CDYL2: variants seen among roughly 807,000 people sequenced by gnomAD.
CDYL2 encodes the protein chromodomain Y-like protein 2.
CDYL2 carries 23 observed loss-of-function variants against 49.4 expected under a neutral mutation model. The observed-to-expected ratio is 0.47, with a 90% CI of 0.34 to 0.66. The LOEUF is 0.66. Ranked by LOEUF, CDYL2 falls within the 30% of genes least tolerant of loss-of-function variation. CDYL2 has a pLI of 0.01. For missense variants in CDYL2, 678 were observed against 656.4 expected (o/e 1.03, Z -0.36); for synonymous variants, 360 against 268.8 (o/e 1.34, Z -3.32).
chr16:80,685,186 T>C, intron 1 of CDYL2, 57 bp from the exon 2 acceptor site: 6 of 1,411,454 alleles, frequency 4.3e-6, no homozygotes, highest in South Asian at 1.3e-5. Flanking sequence ...AAAAACTCAG[T>C]TCGAGGCAAC....
At chr16:80,720,598 C>T (rs1904965126) in intron 1 of CDYL2, among the ~76,000 whole-genome samples, 1 of 152,204 alleles carries the variant, frequency 6.6e-6, no homozygotes, top group Non-Finnish European at 1.5e-5. Flanking sequence ...CCCCATTAAT[C>T]CCTTCAACGT....
intron 1 of CDYL2, 106 bp downstream of exon 1, chr16:80,804,044 T>C (rs1392317879): frequency 1.1e-5 from 9 of 824,844 alleles, no homozygotes; most frequent in Non-Finnish European, 1.3e-5. Context: ...GCTCGGCAAC[T>C]CCGGATTGCG....
chr16:80,727,449 G>A (rs937932531), intron 1 of CDYL2, among the ~76,000 whole-genome samples: 8 of 152,220 alleles, frequency 5.3e-5, no homozygotes, highest in Non-Finnish European at 8.8e-5. Context: ...AAGGTCCTAC[G>A]CCCACGGAGT....
chr16:80,700,252 T>C (rs1904293876), intron 1 of CDYL2, among the ~76,000 whole-genome samples: 1 of 152,140 alleles, frequency 6.6e-6, no homozygotes, highest in African/African-American at 2.4e-5. Context: ...TCTAAGAACA[T>C]ATCAAACACA....
intron 2 of CDYL2, among the ~76,000 whole-genome samples, chr16:80,643,985 G>C (rs1439656333): frequency 1.3e-5 from 2 of 152,138 alleles, no homozygotes; most frequent in Admixed American, 1.3e-4. Context: ...AAAAAAATGG[G>C]TTTTCTTGTC....
chr16:80,763,330 G>T (rs745547103), intron 1 of CDYL2, among the ~76,000 whole-genome samples: 105 of 152,248 alleles, frequency 6.9e-4, no homozygotes, highest in Non-Finnish European at 1.3e-3. Flanking sequence ...TTTCACCAGG[G>T]CTGGGTGAGG....
chr16:80,694,070 G>A (rs1329038241), intron 1 of CDYL2, among the ~76,000 whole-genome samples: 1 of 152,228 alleles, frequency 6.6e-6, no homozygotes, highest in Non-Finnish European at 1.5e-5. Flanking sequence ...CCAGTCTCAT[G>A]GAAGACAATT....
At chr16:80,630,926 C>T (rs1907533498) in intron 3 of CDYL2, among the ~76,000 whole-genome samples, 1 of 136,684 alleles carries the variant, frequency 7.3e-6, no homozygotes, top group Non-Finnish European at 1.5e-5. Context: ...TCTATTATCC[C>T]GATGTGAGTG....
At chr16:80,616,221 T>C (rs879898915) in intron 4 of CDYL2, among the ~76,000 whole-genome samples, 4 of 152,178 alleles carry the variant, frequency 2.6e-5, no homozygotes, top group Non-Finnish European at 5.9e-5. Flanking sequence ...GGAGCCTCAC[T>C]TTCTCCCTCT....
At chr16:80,607,760 G>A (rs6420417) in intron 6 of CDYL2, among the ~76,000 whole-genome samples, 2 of 151,722 alleles carry the variant, frequency 1.3e-5, no homozygotes, top group Non-Finnish European at 2.9e-5. Flanking sequence ...CTTATTGGCC[G>A]CTGCTTCTCG....
intron 2 of CDYL2, among the ~76,000 whole-genome samples, chr16:80,680,462 C>A (rs1248275799): frequency 6.6e-6 from 1 of 152,144 alleles, no homozygotes; most frequent in East Asian, 1.9e-4. Flanking sequence ...AGGGACGTTT[C>A]ACAGAGTAAA....
At position 80,704,688 on chromosome 16, in the gene CDYL2, T is replaced by C. The variant is rs146972382; in HGVS notation, c.25-19559A>G. Among the ~76,000 whole-genome samples, 1,076 of 152,168 alleles carry C rather than the reference T, an allele frequency of 7.1e-3. 12 individuals carry two copies. Among genetic ancestry groups the C allele is most frequent in the Middle Eastern group, 0.014 (4 of 294 alleles). On this transcript the variant is annotated intron_variant, in intron 1 of 6. Transcript: ENST00000570137. ...TTGGAACAGGGCATGCGGGAGGAGC[T>C]CAGGGAGAAGGCAGTTCCAGTTAGA...
chr16:80,658,968 A>G (rs1452606457), intron 2 of CDYL2, among the ~76,000 whole-genome samples: 1 of 152,236 alleles, frequency 6.6e-6, no homozygotes, highest in African/African-American at 2.4e-5. Context: ...GGATGTTTTC[A>G]ATAGTAAAAT....
intron 1 of CDYL2, among the ~76,000 whole-genome samples, chr16:80,727,830 C>G (rs1905213520): frequency 1.3e-5 from 2 of 152,198 alleles, no homozygotes; most frequent in African/African-American, 4.8e-5. Flanking sequence ...CACCCCCCAG[C>G]AGGGGCAGAC....
At position 80,728,978 on chromosome 16, in the gene CDYL2, T is replaced by C. The variant is rs1037410790; in HGVS notation, c.25-43849A>G. Among the ~76,000 whole-genome samples, 29 of 151,806 alleles carry C rather than the reference T, an allele frequency of 1.9e-4. 1 individual carries two copies. Among genetic ancestry groups the C allele is most frequent in the African/African-American group, 7.0e-4 (29 of 41,380 alleles). On this transcript the variant is annotated intron_variant, in intron 1 of 6. Coordinates refer to ENST00000570137, the MANE Select transcript of CDYL2 (RefSeq NM_152342.4). ...GCTAAACATGGAAAGGAACAACCGG[T>C]ACCAGCCACTGCAAAATCATGCCAA...
intron 4 of CDYL2, among the ~76,000 whole-genome samples, chr16:80,619,312 G>A (rs760369815): frequency 2.0e-5 from 3 of 152,152 alleles, no homozygotes; most frequent in African/African-American, 7.2e-5. Context: ...GGATTGGCAC[G>A]TGGACATATC....
rs192846518 is a variant in CDYL2 at position 80,757,338 on chromosome 16, G to A, written c.24+46812C>T. The stretch of plus-strand genomic sequence containing the variant: ...GAGGAATGCTTGAGCCTAGGAGTCC[G>A]AGACCAGCCTGGGCAACATAGCAAG... On this transcript the variant is annotated intron_variant, in intron 1 of 6. Transcript: ENST00000570137. Among the ~76,000 whole-genome samples the A allele has an allele frequency of 2.6e-4, 40 of 152,026 alleles. No individual in the cohort carries two copies. In the East Asian group the frequency reaches 6.0e-3, roughly 23 times the overall value.
intron 1 of CDYL2, among the ~76,000 whole-genome samples, chr16:80,731,941 A>G (rs930961644): frequency 3.3e-5 from 5 of 151,856 alleles, no homozygotes; most frequent in African/African-American, 1.2e-4. Context: ...AAGATCCCCA[A>G]GCTGATGGTG....
chr16:80,683,442 A>C (rs949881984), intron 2 of CDYL2, among the ~76,000 whole-genome samples: 4 of 152,224 alleles, frequency 2.6e-5, no homozygotes, highest in South Asian at 2.1e-4. Context: ...TGGGAGTATG[A>C]ACTACATGGG....
Sources: allele counts gnomAD v4.1 joint callset (sites outside exome capture counted in the v4.1 genomes callset), GRCh38; gene constraint gnomAD v4.1.1; transcripts MANE v1.5; gene names NCBI Gene and HGNC (gene_info 2026-07-23, HGNC 2026-07-21).